Variants in MCTP2 observed in about 807,000 individuals in gnomAD.
MCTP2 encodes the protein multiple C2 and transmembrane domain containing 2, also known as multiple C2 and transmembrane domain-containing protein 2.
In MCTP2, 132 loss-of-function variants were observed where a neutral mutation model predicts 111.6. The observed-to-expected ratio is 1.18, with a 90% CI of 1.03 to 1.37. The LOEUF is 1.37. Ranked by LOEUF, MCTP2 falls within the 40% of genes most tolerant of loss-of-function variation. The probability of loss-of-function intolerance (pLI) is 0.00; values close to 1 mark genes in which losing one functional copy is unlikely to be tolerated. For synonymous variants in MCTP2, 395 were observed against 387.7 expected, an observed-to-expected ratio of 1.02 and a Z score of -0.22; for missense variants, 1,183 against 1,067.9, an observed-to-expected ratio of 1.11 and a Z score of -1.50.
chr15:94,431,006 C>T (rs1035084659), intron 17 of MCTP2, among the ~76,000 whole-genome samples: 5 of 152,082 alleles, frequency 3.3e-5, no homozygotes, highest in Non-Finnish European at 7.4e-5. Context: ...ATGGTGGATC[C>T]TTTTACCGCC....
chr15:94,271,926 A>G (rs189494960), intron 1 of MCTP2, among the ~76,000 whole-genome samples: 1 of 152,354 alleles, frequency 6.6e-6, no homozygotes, highest in East Asian at 1.9e-4. Context: ...CCTAAGTTGG[A>G]CAAGATTTTG....
intron 12 of MCTP2, among the ~76,000 whole-genome samples, chr15:94,381,523 G>T (rs2080136902): frequency 6.6e-6 from 1 of 152,208 alleles, no homozygotes; most frequent in South Asian, 2.1e-4. Context: ...GAGCCCACCT[G>T]TGCCTCAACA....
At chr15:94,406,261 A>G (rs1316847871) in intron 17 of MCTP2, among the ~76,000 whole-genome samples, 1 of 152,172 alleles carries the variant, frequency 6.6e-6, no homozygotes, top group Non-Finnish European at 1.5e-5. Context: ...AGATGAGAAA[A>G]ATAAGCCTAT....
At chr15:94,417,757 T>C (rs1344772259) in intron 17 of MCTP2, among the ~76,000 whole-genome samples, 2 of 152,130 alleles carry the variant, frequency 1.3e-5, no homozygotes, top group Admixed American at 6.6e-5. Flanking sequence ...GTAGTCTATC[T>C]GAGTAACGGG....
chr15:94,476,522 A>G (rs531514923), intron 21 of MCTP2, 174 bp from the exon 22 acceptor site: 2 of 480,760 alleles, frequency 4.2e-6, no homozygotes, highest in South Asian at 2.6e-5. Flanking sequence ...TTTTCACACT[A>G]ATTTTTACTT....
rs1447168795 is a variant in MCTP2, at chr15:94,243,701, A to ATACACATATG, written c.-66+12039_-66+12040insCACATATGTA. 7.4e-5 allele frequency among the ~76,000 whole-genome samples: 10 copies of ATACACATATG among 135,386 alleles called. No homozygotes were observed. In the South Asian group the frequency reaches 2.4e-3, roughly 32 times the overall value. 88.8% of individuals were successfully genotyped at this position (135,386 alleles called of 152,430 possible). ...TATATGTATACACATACATATGCGT[A>ATACACATATG]TATACACATATATGTATACACATAC... On this transcript the variant is annotated intron_variant, in intron 1 of 22. Coordinates refer to ENST00000357742, the MANE Select transcript of MCTP2 (RefSeq NM_001385001.1).
intron 18 of MCTP2, among the ~76,000 whole-genome samples, chr15:94,442,051 A>G (rs1444418609): frequency 6.6e-6 from 1 of 152,202 alleles, no homozygotes; most frequent in East Asian, 1.9e-4. Context: ...CTCCCTTTTA[A>G]GAGCATGATA....
chr15:94,406,660 C>T (rs1308150843), intron 17 of MCTP2, among the ~76,000 whole-genome samples: 1 of 152,170 alleles, frequency 6.6e-6, no homozygotes, highest in Non-Finnish European at 1.5e-5. Context: ...CATTTGGCAT[C>T]CTTGGAATCC....
intron 17 of MCTP2, among the ~76,000 whole-genome samples, chr15:94,411,886 G>A (rs779829046): frequency 1.3e-5 from 2 of 151,992 alleles, no homozygotes; most frequent in African/African-American, 2.4e-5. Flanking sequence ...ATTGGTTTTG[G>A]CCTTTTAAAA....
chr15:94,375,394 A>G (rs1449425452), intron 12 of MCTP2, among the ~76,000 whole-genome samples: 1 of 152,106 alleles, frequency 6.6e-6, no homozygotes, highest in Non-Finnish European at 1.5e-5. Flanking sequence ...TCATGTTTCC[A>G]TTATTCTAAT....
intron 17 of MCTP2, among the ~76,000 whole-genome samples, chr15:94,433,053 C>T (rs369176198): frequency 1.3e-5 from 2 of 152,052 alleles, no homozygotes; most frequent in Middle Eastern, 3.4e-3. Context: ...ACATCCTTCT[C>T]GTGTTATACT....
intron 8 of MCTP2, 34 bp from the exon 9 acceptor site, chr15:94,356,103 C>T: frequency 6.9e-7 from 1 of 1,439,410 alleles, no homozygotes; most frequent in Middle Eastern, 1.8e-4. Flanking sequence ...GAATTAGAAG[C>T]AAGTTTACAT....
At chr15:94,274,634 C>G (rs1038236044) in intron 1 of MCTP2, among the ~76,000 whole-genome samples, 1 of 152,078 alleles carries the variant, frequency 6.6e-6, no homozygotes, top group Non-Finnish European at 1.5e-5. Context: ...AAACTCCCCC[C>G]TCCCCACAAC....
At chr15:94,291,292 T>G (rs2075018633) in intron 1 of MCTP2, among the ~76,000 whole-genome samples, 1 of 152,060 alleles carries the variant, frequency 6.6e-6, no homozygotes, top group South Asian at 2.1e-4. Flanking sequence ...AGAGAAAGTT[T>G]CAAGAAAAAT....
chr15:94,386,514 G>A (rs2080483892), intron 14 of MCTP2, among the ~76,000 whole-genome samples: 1 of 152,190 alleles, frequency 6.6e-6, no homozygotes, highest in South Asian at 2.1e-4. Flanking sequence ...TCATATCCCT[G>A]ATGTTACTCG....
chr15:94,388,903 A>G (rs2080686841), intron 14 of MCTP2, among the ~76,000 whole-genome samples: 1 of 152,190 alleles, frequency 6.6e-6, no homozygotes, highest in Non-Finnish European at 1.5e-5. Context: ...GTAATTATTA[A>G]GTATATATCA....
intron 20 of MCTP2, among the ~76,000 whole-genome samples, chr15:94,459,466 A>T (rs2085052460): frequency 6.6e-6 from 1 of 152,148 alleles, no homozygotes. Flanking sequence ...GTGTATGTTT[A>T]AAAAAAGTAA....
chr15:94,422,710 C>T (rs2082682285), intron 17 of MCTP2, among the ~76,000 whole-genome samples: 1 of 152,212 alleles, frequency 6.6e-6, no homozygotes, highest in African/African-American at 2.4e-5. Context: ...CCACCAAGTT[C>T]TCCAACCTTA....
At chr15:94,325,418 T>C (rs7176435) in intron 4 of MCTP2, among the ~76,000 whole-genome samples, 5 of 152,030 alleles carry the variant, frequency 3.3e-5, no homozygotes, top group African/African-American at 4.8e-5. Context: ...GGAACAGGAA[T>C]GACTTTGTGA....
Sources: allele counts gnomAD v4.1 joint callset (sites outside exome capture counted in the v4.1 genomes callset), GRCh38; gene constraint gnomAD v4.1.1; transcripts MANE v1.5; gene names NCBI Gene and HGNC (gene_info 2026-07-23, HGNC 2026-07-21).